The following CACNA1D variants were observed in gnomAD, a reference collection of about 807,000 sequenced individuals.
CACNA1D encodes the protein calcium voltage-gated channel subunit alpha1 D.
Under a neutral mutation model 257.1 loss-of-function variants are expected in CACNA1D, and 55 were observed. The ratio of observed to expected loss-of-function variants is 0.21; its 90% CI spans 0.17 to 0.27. CACNA1D has a LOEUF of 0.27. Ranked by LOEUF, CACNA1D falls within the 10% of genes least tolerant of loss-of-function variation. The pLI is 1.00. For synonymous variants in CACNA1D, 980 were observed against 1,014.9 expected, an observed-to-expected ratio of 0.97 and a Z score of 0.65; for missense variants, 1,876 against 2,784.0, an observed-to-expected ratio of 0.67 and a Z score of 7.34.
At chr3:53,749,811 T>C (rs561455859) in intron 27 of CACNA1D, among the ~76,000 whole-genome samples, 1 of 152,360 alleles carries the variant, frequency 6.6e-6, no homozygotes, top group Non-Finnish European at 1.5e-5. Flanking sequence ...TCACAGTCCC[T>C]ACTGGGAGAT....
chr3:53,657,260 G>A (rs1042558403), intron 4 of CACNA1D, among the ~76,000 whole-genome samples: 19 of 151,942 alleles, frequency 1.3e-4, no homozygotes, highest in Non-Finnish European at 2.5e-4. Flanking sequence ...AAACATTATG[G>A]TGAGCAAAAG....
At chr3:53,649,382 C>CT (rs1396206080) in intron 3 of CACNA1D, among the ~76,000 whole-genome samples, 2 of 152,118 alleles carry the variant, frequency 1.3e-5, no homozygotes, top group East Asian at 1.9e-4. Context: ...TAGCAAAGTG[C>CT]TTTTTTTCCC....
chr3:53,565,892 C>T (rs989680541), intron 3 of CACNA1D, among the ~76,000 whole-genome samples: 1 of 152,116 alleles, frequency 6.6e-6, no homozygotes, highest in South Asian at 2.1e-4. Context: ...CTTCTGCTCC[C>T]CAAATGTGAT....
chr3:53,571,204 G>A (rs1386638132), intron 3 of CACNA1D, among the ~76,000 whole-genome samples: 1 of 152,186 alleles, frequency 6.6e-6, no homozygotes, highest in Non-Finnish European at 1.5e-5. Context: ...GTGCGTGTCT[G>A]AATCTTTCTT....
intron 40 of CACNA1D, among the ~76,000 whole-genome samples, chr3:53,798,685 G>A (rs3774608): frequency 0.51 from 77,549 of 152,080 alleles, 22,418 homozygotes; most frequent in African/African-American, 0.8. Flanking sequence ...TGGTGCTTTT[G>A]TGCACCAGGC....
chr3:53,783,349 C>T (rs192965006), intron 39 of CACNA1D, among the ~76,000 whole-genome samples: 3 of 152,310 alleles, frequency 2.0e-5, no homozygotes, highest in Admixed American at 6.5e-5. Flanking sequence ...AGCTCCCTTC[C>T]TTTGAAAAGC....
At chr3:53,658,518 T>C (rs892476212) in intron 4 of CACNA1D, among the ~76,000 whole-genome samples, 2 of 152,232 alleles carry the variant, frequency 1.3e-5, no homozygotes, top group African/African-American at 4.8e-5. Flanking sequence ...GATGTATATG[T>C]TGCAAAACAT....
intron 30 of CACNA1D, chr3:53,766,115 C>T (rs1266118300): frequency 1.3e-5 from 2 of 152,248 alleles, no homozygotes; most frequent in Admixed American, 1.3e-4. Context: ...CTTATTATTA[C>T]TTACTTTGAA....
chr3:53,669,584 A>G (rs970742270), intron 7 of CACNA1D, among the ~76,000 whole-genome samples: 31 of 152,214 alleles, frequency 2.0e-4, no homozygotes, highest in Admixed American at 1.4e-3. Flanking sequence ...TCTCAAGCTC[A>G]TTTATGCCTT....
At chr3:53,672,143 T>A (rs1418502096) in intron 7 of CACNA1D, among the ~76,000 whole-genome samples, 1 of 152,252 alleles carries the variant, frequency 6.6e-6, no homozygotes, top group African/African-American at 2.4e-5. Context: ...ATGTGCAGCA[T>A]GAGCTTGTCC....
intron 3 of CACNA1D, among the ~76,000 whole-genome samples, chr3:53,580,087 C>T (rs904204967): frequency 6.6e-6 from 1 of 152,220 alleles, no homozygotes. Context: ...CAACTGGCCA[C>T]CTAAAATGAC....
chr3:53,734,157 G>A (rs894624777), intron 19 of CACNA1D, among the ~76,000 whole-genome samples: 3 of 151,002 alleles, frequency 2.0e-5, no homozygotes, highest in Non-Finnish European at 2.9e-5. Context: ...AGGTCCTCAG[G>A]GGGGTACGCC....
At chr3:53,691,162 TGG>T (rs57745542) in intron 8 of CACNA1D, among the ~76,000 whole-genome samples, 5 of 147,596 alleles carry the variant, frequency 3.4e-5, no homozygotes, top group African/African-American at 7.6e-5. Context: ...TTTTTTTTTT[TGG>T]GGGGGAGATG....
At chr3:53,648,371 A>G (rs1234883961) in intron 3 of CACNA1D, among the ~76,000 whole-genome samples, 2 of 151,990 alleles carry the variant, frequency 1.3e-5, no homozygotes, top group East Asian at 3.9e-4. Flanking sequence ...ATTTTCAGGG[A>G]TTTTTGCCTC....
intron 8 of CACNA1D, among the ~76,000 whole-genome samples, chr3:53,691,149 C>CTT (rs746562216): frequency 7.2e-5 from 10 of 139,826 alleles, no homozygotes; most frequent in East Asian, 2.1e-4. Context: ...AAGAATACCT[C>CTT]TTTTTTTTTT....
At chr3:53,680,240 C>G in intron 8 of CACNA1D, among the ~76,000 whole-genome samples, 1 of 152,200 alleles carries the variant, frequency 6.6e-6, no homozygotes, top group South Asian at 2.1e-4. Context: ...ATCAAGCTGA[C>G]GTCTGTTTCC....
intron 8 of CACNA1D, among the ~76,000 whole-genome samples, chr3:53,700,606 G>A (rs909218638): frequency 3.9e-5 from 6 of 152,188 alleles, no homozygotes; most frequent in Non-Finnish European, 8.8e-5. Context: ...TGTGAATGGC[G>A]AGACACTGGA....
Position 53,736,328 on chromosome 3 carries a change from G to T in CACNA1D, c.2751+825G>T, listed in dbSNP as rs757343254. Among the ~76,000 whole-genome samples the T allele has an allele frequency of 4.0e-5, 6 of 151,874 alleles. No homozygotes were observed. In the Middle Eastern group the frequency reaches 0.01, roughly 258 times the overall value. On this transcript the variant is annotated intron_variant, in intron 20 of 47. Coordinates refer to ENST00000350061, the MANE Select transcript of CACNA1D (RefSeq NM_001128840.3). ...TGCACTCCAGCCTCAGTGATACAGT[G>T]AGACCTTGTCTCAAAGAAAAAAAAA...
At position 53,674,025 on chromosome 3, in the gene CACNA1D, T is replaced by C; in HGVS notation, c.1220+899T>C. On this transcript the variant is annotated intron_variant, in intron 8 of 47. Coordinates refer to ENST00000350061, the MANE Select transcript of CACNA1D (RefSeq NM_001128840.3). Reference sequence around the variant, plus strand: ...TCCAATGCTTGCCAAACACTGTTAATTTAATGAAAACGTTCCCCCAAAGCC... The same window carrying C: ...TCCAATGCTTGCCAAACACTGTTAACTTAATGAAAACGTTCCCCCAAAGCC... 1.1e-5 allele frequency: 7 copies of C among 636,544 alleles called. No homozygotes were observed. The South Asian group carries it at 1.3e-4, about 12-fold the overall frequency. The allele number at this position is 636,544 out of a possible 1,614,324, so 39.4% of individuals were successfully genotyped here. A position where few individuals can be genotyped will look rare whatever the true frequency, so the allele number is the denominator to read the frequency against.
Sources: allele counts gnomAD v4.1 joint callset (sites outside exome capture counted in the v4.1 genomes callset), GRCh38; gene constraint gnomAD v4.1.1; transcripts MANE v1.5; gene names NCBI Gene and HGNC (gene_info 2026-07-23, HGNC 2026-07-21).